Variants in RBFOX1 observed in about 807,000 individuals in gnomAD.
RBFOX1 encodes the protein RNA binding protein fox-1 homolog 1.
A neutral mutation model predicts 57.7 loss-of-function variants in RBFOX1; 8 were observed. That is an observed-to-expected ratio of 0.14 (90% CI 0.08 to 0.25). The LOEUF is 0.25. RBFOX1 is among the 10% of genes least tolerant of loss of function. The pLI is 1.00. For synonymous variants in RBFOX1, 326 were observed against 222.4 expected, an observed-to-expected ratio of 1.47 and a Z score of -4.15; for missense variants, 611 against 548.5, an observed-to-expected ratio of 1.11 and a Z score of -1.14.
intron 4 of RBFOX1, among the ~76,000 whole-genome samples, chr16:6,006,608 C>T (rs1397385110): frequency 2.6e-5 from 4 of 152,150 alleles, no homozygotes; most frequent in Non-Finnish European, 4.4e-5. Flanking sequence ...ATTATTACAC[C>T]TGTGTGTCCA....
chr16:5,968,393 G>T (rs1003728518), intron 4 of RBFOX1, among the ~76,000 whole-genome samples: 4 of 151,982 alleles, frequency 2.6e-5, no homozygotes, highest in African/African-American at 9.7e-5. Flanking sequence ...CATTTTTAGG[G>T]GACGATCAAT....
chr16:7,634,360 A>G (rs1596989886), intron 11 of RBFOX1, among the ~76,000 whole-genome samples: 1 of 147,850 alleles, frequency 6.8e-6, no homozygotes, highest in African/African-American at 2.5e-5. Flanking sequence ...TTTTTCCTCC[A>G]TGGATCTTTA....
chr16:7,694,977 C>A (rs2078329529), intron 14 of RBFOX1, among the ~76,000 whole-genome samples: 1 of 152,052 alleles, frequency 6.6e-6, no homozygotes, highest in Non-Finnish European at 1.5e-5. Flanking sequence ...TTGATTTTGC[C>A]CCGTGACTTA....
chr16:6,787,147 C>A (rs562672763), intron 3 of RBFOX1, among the ~76,000 whole-genome samples: 1 of 152,126 alleles, frequency 6.6e-6, no homozygotes, highest in African/African-American at 2.4e-5. Context: ...CTCCAAGAAA[C>A]GTTGATGAAA....
At chr16:6,432,157 T>TGG (rs952012987) in intron 2 of RBFOX1, among the ~76,000 whole-genome samples, 2 of 151,908 alleles carry the variant, frequency 1.3e-5, no homozygotes, top group African/African-American at 4.8e-5. Context: ...TTTGTAAAGA[T>TGG]GGGGGTCTGA....
intron 3 of RBFOX1, among the ~76,000 whole-genome samples, chr16:6,695,708 CTG>C (rs1369272868): frequency 6.6e-6 from 1 of 152,194 alleles, no homozygotes; most frequent in African/African-American, 2.4e-5. Context: ...AAGTGAATGA[CTG>C]TCACTTATTT....
At chr16:5,897,271 A>T (rs930775907) in intron 4 of RBFOX1, among the ~76,000 whole-genome samples, 1 of 149,344 alleles carries the variant, frequency 6.7e-6, no homozygotes, top group East Asian at 2.0e-4. Context: ...TCCTGACCTC[A>T]TGATCCACCC....
At chr16:5,828,512 A>G (rs918278616) in intron 3 of RBFOX1, among the ~76,000 whole-genome samples, 7 of 152,108 alleles carry the variant, frequency 4.6e-5, no homozygotes, top group Non-Finnish European at 7.3e-5. Context: ...ATCCTGACCA[A>G]CATGGTGAAA....
At chr16:6,705,138 A>T (rs543780898) in intron 3 of RBFOX1, 12 of 152,292 alleles carry the variant, frequency 7.9e-5, no homozygotes, top group African/African-American at 2.6e-4. Context: ...CTTCATGGCA[A>T]ATGTTTCAGT....
chr16:7,346,648 C>G (rs1341117472), intron 4 of RBFOX1, among the ~76,000 whole-genome samples: 2 of 151,936 alleles, frequency 1.3e-5, no homozygotes. Context: ...TTGCTTCGTT[C>G]AAGCCTTTGT....
At chr16:7,531,569 C>T (rs944162794) in intron 5 of RBFOX1, among the ~76,000 whole-genome samples, 1 of 152,196 alleles carries the variant, frequency 6.6e-6, no homozygotes, top group Non-Finnish European at 1.5e-5. Flanking sequence ...TTACCCAGTC[C>T]ATGCTGGGGT....
chr16:6,476,005 C>A (rs879519088), intron 2 of RBFOX1, among the ~76,000 whole-genome samples: 1 of 152,128 alleles, frequency 6.6e-6, no homozygotes, highest in African/African-American at 2.4e-5. Context: ...TGGGCATAAA[C>A]CAAACCTTGA....
intron 3 of RBFOX1, among the ~76,000 whole-genome samples, chr16:5,640,873 C>T (rs1004512380): frequency 1.5e-4 from 23 of 150,290 alleles, no homozygotes; most frequent in African/African-American, 2.9e-4. Flanking sequence ...TACACACACA[C>T]ACACACCATG....
At chr16:6,422,456 A>C (rs2093802584) in intron 2 of RBFOX1, among the ~76,000 whole-genome samples, 1 of 151,870 alleles carries the variant, frequency 6.6e-6, no homozygotes, top group Admixed American at 6.6e-5. Context: ...CCCATGTATT[A>C]GTTCACTTGT....
intron 4 of RBFOX1, among the ~76,000 whole-genome samples, chr16:7,299,437 A>G (rs1323969633): frequency 1.3e-5 from 2 of 152,144 alleles, no homozygotes; most frequent in Non-Finnish European, 2.9e-5. Context: ...CCAAACTAGA[A>G]AGCTAGAGGA....
At chr16:7,023,918 A>G (rs2040105389) in intron 3 of RBFOX1, among the ~76,000 whole-genome samples, 1 of 152,168 alleles carries the variant, frequency 6.6e-6, no homozygotes. Context: ...GAAAACAAGG[A>G]AGACTCCCTG....
chr16:7,676,666 T>C, intron 13 of RBFOX1, 108 bp from the exon 14 acceptor site: 1 of 950,146 alleles, frequency 1.1e-6, no homozygotes, highest in Non-Finnish European at 1.7e-6. Flanking sequence ...AACCTCAACT[T>C]TAGCTCAGTA....
At chr16:6,976,856 C>CAT (rs1236150955) in intron 3 of RBFOX1, among the ~76,000 whole-genome samples, 1 of 24,160 alleles carries the variant, frequency 4.1e-5, no homozygotes, top group Non-Finnish European at 6.7e-5. Context: ...ATGTATATCA[C>CAT]ATATATATCA....
chr16:5,398,006 C>T (rs987217782), intron 1 of RBFOX1, among the ~76,000 whole-genome samples: 1 of 152,154 alleles, frequency 6.6e-6, no homozygotes, highest in African/African-American at 2.4e-5. Flanking sequence ...GTTAAATAAA[C>T]ATTTGCCCAG....
Sources: allele counts gnomAD v4.1 joint callset (sites outside exome capture counted in the v4.1 genomes callset), GRCh38; gene constraint gnomAD v4.1.1; transcripts MANE v1.5; gene names NCBI Gene and HGNC (gene_info 2026-07-23, HGNC 2026-07-21).